The following THSD7B variants were observed in gnomAD, a reference collection of about 807,000 sequenced individuals.
THSD7B encodes thrombospondin type 1 domain containing 7B, also known as thrombospondin type-1 domain-containing protein 7B.
In THSD7B, 138 loss-of-function variants were observed where a neutral mutation model predicts 213.6. That is an observed-to-expected ratio of 0.65 (90% confidence interval 0.56 to 0.74). The LOEUF is 0.74. Among genes scored for constraint, THSD7B ranks in the 30% least tolerant of loss-of-function variants. THSD7B has a pLI of 0.00. For missense variants in THSD7B, 1,931 were observed against 1,991.5 expected (o/e 0.97, Z 0.58); for synonymous variants, 742 against 687.0 (o/e 1.08, Z -1.25).
At chr2:137,487,246 T>C (rs1274572090) in intron 15 of THSD7B, among the ~76,000 whole-genome samples, 7 of 147,408 alleles carry the variant, frequency 4.7e-5, no homozygotes, top group African/African-American at 1.8e-4. Flanking sequence ...CGGGCGCCTG[T>C]AGTCCCAGCT....
chr2:136,950,231 G>A (rs1447587967), intron 2 of THSD7B, among the ~76,000 whole-genome samples: 1 of 151,898 alleles, frequency 6.6e-6, no homozygotes, highest in African/African-American at 2.4e-5. Flanking sequence ...TAGCCTGGGC[G>A]ACAGAGCAAG....
chr2:137,099,698 G>A lies in THSD7B; in HGVS notation c.1199+4577G>A, dbSNP rs182886409. On this transcript the variant is annotated intron_variant, in intron 4 of 27. Transcript: ENST00000409968. ...AAATGATCATTTAGAGTATGGAATC[G>A]AATGTAAGACAGAACTATTAAATGG... Among the ~76,000 whole-genome samples, 407 of 152,240 alleles carry A rather than the reference G, an allele frequency of 2.7e-3. 3 individuals are homozygous for A. Among genetic ancestry groups the A allele is most frequent in the African/African-American group, 9.0e-3 (374 of 41,544 alleles).
intron 3 of THSD7B, among the ~76,000 whole-genome samples, chr2:137,085,398 T>A (rs1482684320): frequency 1.3e-5 from 2 of 152,078 alleles, no homozygotes; most frequent in African/African-American, 4.8e-5. Flanking sequence ...TAAAATGAGA[T>A]AATGTACAGA....
chr2:137,623,511 T>A (rs1682561699), intron 20 of THSD7B, among the ~76,000 whole-genome samples: 1 of 152,156 alleles, frequency 6.6e-6, no homozygotes, highest in Non-Finnish European at 1.5e-5. Flanking sequence ...ATAAAGGGTA[T>A]TCAATTAGGA....
chr2:137,271,039 A>AT (rs990963082), intron 10 of THSD7B, among the ~76,000 whole-genome samples: 1 of 151,880 alleles, frequency 6.6e-6, no homozygotes, highest in Non-Finnish European at 1.5e-5. Flanking sequence ...AGTATTAATG[A>AT]TTTTTTTTAA....
intron 10 of THSD7B, 60 bp from the exon 11 acceptor site, chr2:137,272,473 G>T: frequency 1.3e-6 from 2 of 1,497,186 alleles, no homozygotes; most frequent in Non-Finnish European, 8.9e-7. Flanking sequence ...TTGCTACCTG[G>T]ATTTTGATCT....
rs113580674 is a variant in THSD7B, at chr2:137,647,089, T to C, written c.3945+4456T>C. On this transcript the variant is annotated intron_variant, in intron 21 of 27. Transcript: ENST00000409968. ...CAGCTGCTGTCACTGTACCCTGGCA[T>C]GTCTGATGCCCAGCTGACCCATAAG... Among the ~76,000 whole-genome samples the C allele has an allele frequency of 2.4e-3, 359 of 152,308 alleles. 1 individual carries two copies. The highest frequency in any genetic ancestry group is 8.2e-3 in the African/African-American group (341 of 41,562).
chr2:137,218,775 T>C (rs992250331), intron 7 of THSD7B, among the ~76,000 whole-genome samples: 7 of 152,236 alleles, frequency 4.6e-5, no homozygotes, highest in Admixed American at 2.6e-4. Flanking sequence ...ATTCTGTTTT[T>C]CTGATTGTTA....
intron 2 of THSD7B, among the ~76,000 whole-genome samples, chr2:136,946,310 G>T (rs930915714): frequency 1.3e-5 from 2 of 152,110 alleles, no homozygotes; most frequent in Non-Finnish European, 2.9e-5. Flanking sequence ...AACTGGAAAT[G>T]TTGCAGAACA....
intron 18 of THSD7B, 95 bp downstream of exon 18, chr2:137,616,411 G>A: frequency 8.8e-7 from 1 of 1,135,824 alleles, no homozygotes; most frequent in Non-Finnish European, 1.3e-6. Flanking sequence ...TAAGAATGGA[G>A]AGTAGAATGT....
chr2:137,521,894 C>T (rs1680191779), intron 15 of THSD7B, among the ~76,000 whole-genome samples: 1 of 151,788 alleles, frequency 6.6e-6, no homozygotes, highest in Admixed American at 6.6e-5. Flanking sequence ...AGTAACCTCT[C>T]AGCTGTTGAG....
chr2:136,945,262 T>G (rs778736925), intron 2 of THSD7B, among the ~76,000 whole-genome samples: 26 of 152,182 alleles, frequency 1.7e-4, no homozygotes, highest in Non-Finnish European at 3.4e-4. Context: ...TTCCACTTGA[T>G]GGAATTGGCT....
Position 137,212,305 on chromosome 2 carries a change from A to G in THSD7B, c.1724-18739A>G, listed in dbSNP as rs10185357. Among the ~76,000 whole-genome samples, 613 of 152,086 alleles carry G rather than the reference A, an allele frequency of 4.0e-3. 3 individuals are homozygous for G. The highest frequency in any genetic ancestry group is 6.2e-3 in the Non-Finnish European group (419 of 67,944). On this transcript the variant is annotated intron_variant, in intron 7 of 27. Coordinates refer to ENST00000409968, the MANE Select transcript of THSD7B (RefSeq NM_001316349.2). The stretch of plus-strand genomic sequence containing the variant: ...AATGAGTGAGCTCTTTCTTAATTTT[A>G]TTCTCAAATTCCATGTCTCAACAAT...
At chr2:137,184,687 A>G (rs1433787626) in intron 7 of THSD7B, among the ~76,000 whole-genome samples, 2 of 152,206 alleles carry the variant, frequency 1.3e-5, no homozygotes, top group African/African-American at 2.4e-5. Flanking sequence ...GTCTATATCT[A>G]TATCTAGCTG....
chr2:137,655,866 G>A (rs1683226954), intron 22 of THSD7B, among the ~76,000 whole-genome samples: 1 of 152,134 alleles, frequency 6.6e-6, no homozygotes, highest in Non-Finnish European at 1.5e-5. Context: ...CACTGGATTT[G>A]GAAACTTAAG....
At chr2:137,554,147 A>C (rs1477471673) in intron 15 of THSD7B, among the ~76,000 whole-genome samples, 1 of 151,994 alleles carries the variant, frequency 6.6e-6, no homozygotes, top group Non-Finnish European at 1.5e-5. Flanking sequence ...TGTTCCTTCT[A>C]ATCATCCTTT....
chr2:137,303,859 G>A (rs1382990831), intron 12 of THSD7B, among the ~76,000 whole-genome samples: 1 of 150,492 alleles, frequency 6.6e-6, no homozygotes, highest in Admixed American at 6.6e-5. Flanking sequence ...TGCAGAACAT[G>A]CAGGTTTATT....
intron 15 of THSD7B, among the ~76,000 whole-genome samples, chr2:137,467,085 G>A (rs1688009071): frequency 6.6e-6 from 1 of 152,142 alleles, no homozygotes. Flanking sequence ...CTGCATGTAT[G>A]TCCATTCGTG....
intron 2 of THSD7B, among the ~76,000 whole-genome samples, chr2:136,989,554 A>G (rs2104814305): frequency 6.6e-6 from 1 of 152,334 alleles, no homozygotes; most frequent in East Asian, 1.9e-4. Flanking sequence ...TATAGCCTGC[A>G]GAAGCATGAG....
Sources: gnomAD v4.1 joint callset for allele counts (sites outside exome capture counted in the v4.1 genomes callset) on GRCh38, gnomAD v4.1.1 for gene constraint, MANE v1.5 for transcripts, NCBI Gene and HGNC (gene_info 2026-07-23, HGNC 2026-07-21) for gene names.